The following SPAG16 variants were observed in gnomAD, a reference collection of about 807,000 sequenced individuals.
SPAG16 encodes sperm associated antigen 16, also known as sperm-associated antigen 16 protein.
SPAG16 carries 86 observed loss-of-function variants against 80.4 expected under a neutral mutation model. That is an observed-to-expected ratio of 1.07 (90% confidence interval 0.90 to 1.28). The LOEUF (loss-of-function observed/expected upper bound fraction) is 1.28. SPAG16 is among the 50% of genes most tolerant of loss of function. The pLI, the probability that SPAG16 is intolerant of heterozygous loss-of-function variation, is 0.00. For synonymous variants in SPAG16, 294 were observed against 265.9 expected (o/e 1.11, Z -1.03); for missense variants, 870 against 765.3 (o/e 1.14, Z -1.61).
At chr2:213,825,701 CTTTTTTTTTTTTT>C (rs55777958) in intron 10 of SPAG16, among the ~76,000 whole-genome samples, 1 of 109,798 alleles carries the variant, frequency 9.1e-6, no homozygotes. Flanking sequence ...TTCTTTCTTT[CTTTTTTTTTTTTT>C]TTTTTTTTTG....
At chr2:214,004,708 G>C (rs2046950568) in intron 12 of SPAG16, among the ~76,000 whole-genome samples, 1 of 151,956 alleles carries the variant, frequency 6.6e-6, no homozygotes, top group Non-Finnish European at 1.5e-5. Flanking sequence ...CTTAAATGGG[G>C]CTGGGTCATC....
At chr2:214,093,464 TTATC>T (rs1330438339) in intron 13 of SPAG16, among the ~76,000 whole-genome samples, 1 of 151,942 alleles carries the variant, frequency 6.6e-6, no homozygotes, top group African/African-American at 2.4e-5. Context: ...AATAACTGGA[TTATC>T]TATATTATTG....
intron 15 of SPAG16, among the ~76,000 whole-genome samples, chr2:214,192,006 G>C (rs112678427): frequency 6.6e-5 from 10 of 152,070 alleles, no homozygotes; most frequent in African/African-American, 2.4e-4. Context: ...ACAGGACTAG[G>C]ACAAAAGAAT....
chr2:214,119,473 C>T (rs1034442696), intron 14 of SPAG16, among the ~76,000 whole-genome samples: 1 of 151,932 alleles, frequency 6.6e-6, no homozygotes, highest in Non-Finnish European at 1.5e-5. Flanking sequence ...AAAACAAAAA[C>T]TGTAAATAAT....
intron 5 of SPAG16, among the ~76,000 whole-genome samples, chr2:213,338,840 C>T (rs552775420): frequency 6.6e-5 from 10 of 152,058 alleles, no homozygotes; most frequent in Non-Finnish European, 8.8e-5. Flanking sequence ...GGAAAGGGAA[C>T]CACACACACT....
At chr2:213,366,740 T>C (rs1320794038) in intron 8 of SPAG16, among the ~76,000 whole-genome samples, 1 of 152,174 alleles carries the variant, frequency 6.6e-6, no homozygotes, top group Non-Finnish European at 1.5e-5. Context: ...CAAGTGTCCA[T>C]TGATAGATGA....
chr2:213,538,198 T>A (rs1226820610), intron 10 of SPAG16, among the ~76,000 whole-genome samples: 1 of 152,210 alleles, frequency 6.6e-6, no homozygotes, highest in Non-Finnish European at 1.5e-5. Flanking sequence ...CCAACTTCTG[T>A]ACATGTAGCA....
At chr2:213,888,730 T>G (rs1000459566) in intron 11 of SPAG16, among the ~76,000 whole-genome samples, 2 of 151,848 alleles carry the variant, frequency 1.3e-5, no homozygotes, top group Non-Finnish European at 1.5e-5. Context: ...GTATGTCAGG[T>G]AACTGAGTGG....
chr2:214,104,678 G>T (rs530025029), intron 13 of SPAG16, among the ~76,000 whole-genome samples: 1 of 152,242 alleles, frequency 6.6e-6, no homozygotes, highest in East Asian at 1.9e-4. Flanking sequence ...ATTTCGTGAA[G>T]ATCAAAATAG....
intron 1 of SPAG16, among the ~76,000 whole-genome samples, chr2:213,292,648 A>G (rs2062327516): frequency 7.1e-6 from 1 of 140,184 alleles, no homozygotes; most frequent in Non-Finnish European, 1.6e-5. Flanking sequence ...TGGGCGACAG[A>G]GCGAGACTCC....
At chr2:214,193,426 T>TGA (rs55774604) in intron 15 of SPAG16, among the ~76,000 whole-genome samples, 7,836 of 136,410 alleles carry the variant, frequency 0.057, 407 homozygotes, top group African/African-American at 0.19. Flanking sequence ...TGTGTGTGTA[T>TGA]GAGAGAGAGA....
At chr2:214,105,367 T>G (rs1463770097) in intron 13 of SPAG16, among the ~76,000 whole-genome samples, 2 of 152,226 alleles carry the variant, frequency 1.3e-5, no homozygotes, top group Non-Finnish European at 2.9e-5. Context: ...TACTCTGTGC[T>G]AGGCAACATA....
chr2:214,024,967 G>T (rs548101600), intron 13 of SPAG16, among the ~76,000 whole-genome samples: 7 of 151,660 alleles, frequency 4.6e-5, no homozygotes, highest in African/African-American at 1.7e-4. Context: ...AGATAGATTA[G>T]AGTCTTGAGT....
intron 11 of SPAG16, among the ~76,000 whole-genome samples, chr2:213,893,636 T>C (rs1432170070): frequency 6.6e-6 from 1 of 152,136 alleles, no homozygotes; most frequent in Non-Finnish European, 1.5e-5. Flanking sequence ...TTTGTTTCCA[T>C]TTTTTCTTTG....
At chr2:213,314,562 T>C (rs1411854698) in intron 4 of SPAG16, among the ~76,000 whole-genome samples, 1 of 151,898 alleles carries the variant, frequency 6.6e-6, no homozygotes, top group East Asian at 1.9e-4. Flanking sequence ...TTCATATTTT[T>C]ACATGGATGG....
chr2:213,574,690 T>C (rs910624087), intron 10 of SPAG16, among the ~76,000 whole-genome samples: 4 of 148,030 alleles, frequency 2.7e-5, no homozygotes, highest in African/African-American at 9.8e-5. Context: ...ATATGATATA[T>C]ATATGATATA....
intron 10 of SPAG16, among the ~76,000 whole-genome samples, chr2:213,627,569 A>G (rs192342805): frequency 1.2e-4 from 18 of 152,278 alleles, no homozygotes; most frequent in Admixed American, 9.2e-4. Context: ...AGCAATTTCA[A>G]TGTGCATTAT....
At chr2:213,962,263 G>A (rs1294879627) in intron 12 of SPAG16, among the ~76,000 whole-genome samples, 1 of 149,784 alleles carries the variant, frequency 6.7e-6, no homozygotes, top group African/African-American at 2.5e-5. Context: ...GCGTGATCTC[G>A]GCTCACTGCA....
chr2:213,450,505 A>G (rs1053066824), intron 9 of SPAG16, among the ~76,000 whole-genome samples: 5 of 152,152 alleles, frequency 3.3e-5, no homozygotes, highest in African/African-American at 1.2e-4. Flanking sequence ...CTTTACATAT[A>G]AAGGGATTTG....
Sources: gnomAD v4.1 joint callset for allele counts (sites outside exome capture counted in the v4.1 genomes callset) on GRCh38, gnomAD v4.1.1 for gene constraint, MANE v1.5 for transcripts, NCBI Gene and HGNC (gene_info 2026-07-23, HGNC 2026-07-21) for gene names.